The following ATP8A2 variants were observed in gnomAD, a reference collection of about 807,000 sequenced individuals.
ATP8A2 encodes phospholipid-transporting ATPase IB.
Under a neutral mutation model 165.6 loss-of-function variants are expected in ATP8A2, and 100 were observed. The observed-to-expected ratio is 0.60, with a 90% confidence interval of 0.51 to 0.71. The LOEUF is 0.71. Among genes scored for constraint, ATP8A2 ranks in the 30% least tolerant of loss-of-function variants. The probability of loss-of-function intolerance (pLI) is 0.00; values close to 1 mark genes in which losing one functional copy is unlikely to be tolerated. For synonymous variants in ATP8A2, 543 were observed against 548.8 expected (o/e 0.99, Z 0.15); for missense variants, 1,227 against 1,479.5 (o/e 0.83, Z 2.80).
intron 2 of ATP8A2, among the ~76,000 whole-genome samples, chr13:25,511,688 C>T (rs1273348416): frequency 6.6e-6 from 1 of 151,878 alleles, no homozygotes; most frequent in Non-Finnish European, 1.5e-5. Flanking sequence ...TATAAATAGG[C>T]TCTTTTTAAT....
At chr13:25,508,699 T>C (rs955812453) in intron 2 of ATP8A2, among the ~76,000 whole-genome samples, 3 of 152,246 alleles carry the variant, frequency 2.0e-5, no homozygotes, top group African/African-American at 7.2e-5. Context: ...AAAATAACCA[T>C]GTGTAAATCA....
chr13:25,549,904 C>G (rs1181868983), intron 10 of ATP8A2, among the ~76,000 whole-genome samples: 1 of 150,726 alleles, frequency 6.6e-6, no homozygotes, highest in Non-Finnish European at 1.5e-5. Flanking sequence ...TTTGATGACC[C>G]TTGTGGTTAG....
At chr13:25,503,054 GT>G (rs570803669) in intron 2 of ATP8A2, among the ~76,000 whole-genome samples, 85 of 152,272 alleles carry the variant, frequency 5.6e-4, no homozygotes, top group Non-Finnish European at 1.0e-3. Context: ...GGGGCAGAAT[GT>G]CCAGGACTAG....
chr13:25,468,121 C>G (rs905403031), intron 1 of ATP8A2, among the ~76,000 whole-genome samples: 2 of 152,102 alleles, frequency 1.3e-5, no homozygotes, highest in Admixed American at 1.3e-4. Context: ...ATAACTGGAT[C>G]CTTCTCTAGG....
intron 24 of ATP8A2, among the ~76,000 whole-genome samples, chr13:25,656,822 G>A (rs1044641465): frequency 2.1e-4 from 32 of 151,426 alleles, no homozygotes; most frequent in Admixed American, 1.3e-3. Flanking sequence ...GGAGTCCGAG[G>A]TGGGTGGATC....
At chr13:25,720,419 C>G (rs888741876) in intron 25 of ATP8A2, among the ~76,000 whole-genome samples, 1 of 152,084 alleles carries the variant, frequency 6.6e-6, no homozygotes, top group East Asian at 1.9e-4. Flanking sequence ...GCCTCGGCCT[C>G]CCAAAGTGCT....
intron 24 of ATP8A2, among the ~76,000 whole-genome samples, chr13:25,627,961 A>T (rs920774631): frequency 5.3e-5 from 8 of 152,180 alleles, no homozygotes; most frequent in African/African-American, 1.9e-4. Context: ...TTTACCTGTC[A>T]GGTGAACTGA....
At chr13:25,455,697 C>T (rs1235319868) in intron 1 of ATP8A2, among the ~76,000 whole-genome samples, 2 of 152,208 alleles carry the variant, frequency 1.3e-5, no homozygotes, top group African/African-American at 4.8e-5. Context: ...ACCTGCCAGA[C>T]TCCGTTCATT....
intron 17 of ATP8A2, among the ~76,000 whole-genome samples, chr13:25,571,082 C>G (rs1020375644): frequency 1.2e-4 from 19 of 152,154 alleles, no homozygotes; most frequent in African/African-American, 4.1e-4. Context: ...TTTTTAACAG[C>G]AAAGGGAGGA....
chr13:25,961,415 T>C (rs1256260552), intron 33 of ATP8A2, among the ~76,000 whole-genome samples, 160 bp from the exon 34 acceptor site: 2 of 152,226 alleles, frequency 1.3e-5, no homozygotes, highest in Admixed American at 1.3e-4. Context: ...GCAAGCCCCA[T>C]CCGTCCCCCT....
intron 27 of ATP8A2, among the ~76,000 whole-genome samples, chr13:25,781,746 C>T (rs1437511665): frequency 6.6e-6 from 1 of 152,186 alleles, no homozygotes; most frequent in African/African-American, 2.4e-5. Flanking sequence ...CCCGCCTCGG[C>T]CTCCTGAGCT....
At chr13:25,892,805 T>G (rs1461448177) in intron 33 of ATP8A2, among the ~76,000 whole-genome samples, 1 of 140,044 alleles carries the variant, frequency 7.1e-6, no homozygotes, top group Admixed American at 7.3e-5. Context: ...TTTTTTAGTC[T>G]GTTTTTTTTT....
intron 1 of ATP8A2, among the ~76,000 whole-genome samples, chr13:25,444,037 T>G (rs927536026): frequency 1.3e-5 from 2 of 152,250 alleles, no homozygotes; most frequent in Non-Finnish European, 2.9e-5. Flanking sequence ...AAATATAGCC[T>G]AGTTCCATTT....
intron 24 of ATP8A2, among the ~76,000 whole-genome samples, chr13:25,599,182 A>G (rs979953868): frequency 2.0e-5 from 3 of 152,220 alleles, no homozygotes; most frequent in Non-Finnish European, 4.4e-5. Flanking sequence ...TAAAGAGCCA[A>G]GGGGACCCTT....
At chr13:25,927,059 G>A (rs1282039972) in intron 33 of ATP8A2, 1 of 445,860 alleles carries the variant, frequency 2.2e-6, no homozygotes, top group Non-Finnish European at 4.6e-6. Context: ...TTTTGTGTTT[G>A]ATTTGCCTCC....
At chr13:25,386,582 C>G (rs1286860006) in intron 1 of ATP8A2, among the ~76,000 whole-genome samples, 2 of 152,216 alleles carry the variant, frequency 1.3e-5, no homozygotes, top group African/African-American at 2.4e-5. Flanking sequence ...ATTCCAGATT[C>G]TGAAACAATT....
chr13:25,985,377 C>T (rs538808758), intron 35 of ATP8A2, among the ~76,000 whole-genome samples: 21 of 152,320 alleles, frequency 1.4e-4, no homozygotes, highest in Admixed American at 9.2e-4. Flanking sequence ...TGTCACCCCA[C>T]GCATATACTC....
At chr13:25,831,167 T>C (rs1292191577) in intron 28 of ATP8A2, among the ~76,000 whole-genome samples, 5 of 152,108 alleles carry the variant, frequency 3.3e-5, no homozygotes, top group African/African-American at 1.2e-4. Flanking sequence ...CTTTGTTTGA[T>C]TCCGCAAGTC....
intron 1 of ATP8A2, among the ~76,000 whole-genome samples, chr13:25,418,810 T>C (rs1235561858): frequency 6.6e-6 from 1 of 152,196 alleles, no homozygotes; most frequent in Admixed American, 6.5e-5. Flanking sequence ...TCATTTTCTA[T>C]TGAAGCACCA....
Sources: gnomAD v4.1 joint callset for allele counts (sites outside exome capture counted in the v4.1 genomes callset) on GRCh38, gnomAD v4.1.1 for gene constraint, MANE v1.5 for transcripts, NCBI Gene and HGNC (gene_info 2026-07-23, HGNC 2026-07-21) for gene names.